The following FBXL7 variants were observed in gnomAD, a reference collection of about 807,000 sequenced individuals.
FBXL7 encodes the protein F-box/LRR-repeat protein 7.
Under a neutral mutation model 38.3 loss-of-function variants are expected in FBXL7, and 12 were observed. The observed-to-expected ratio is 0.31, with a 90% CI of 0.20 to 0.51. The LOEUF is 0.51. Among genes scored for constraint, FBXL7 ranks in the 20% least tolerant of loss-of-function variants. The pLI, the probability that FBXL7 is intolerant of heterozygous loss-of-function variation, is 0.98. For missense variants in FBXL7, 567 were observed against 676.4 expected (o/e 0.84, Z 1.79); for synonymous variants, 297 against 300.9 (o/e 0.99, Z 0.13).
chr5:15,717,571 C>A (rs1398531532), intron 2 of FBXL7, among the ~76,000 whole-genome samples: 7 of 152,106 alleles, frequency 4.6e-5, no homozygotes, highest in African/African-American at 1.7e-4. Flanking sequence ...TAAGAAACTG[C>A]ACAAAAAGTT....
At chr5:15,732,503 A>G (rs1260637531) in intron 2 of FBXL7, among the ~76,000 whole-genome samples, 1 of 151,854 alleles carries the variant, frequency 6.6e-6, no homozygotes, top group Non-Finnish European at 1.5e-5. Context: ...GGAGTTTTAT[A>G]TTTTAGGTAG....
In FBXL7 at chr5:15,577,328, CA is replaced by C. The variant is rs551637585; in HGVS notation, c.38-38654del. Among the ~76,000 whole-genome samples, 82 of 152,186 alleles carry C rather than the reference CA, an allele frequency of 5.4e-4. 2 individuals are homozygous for C. Among genetic ancestry groups the C allele is most frequent in the Middle Eastern group, 3.4e-3 (1 of 294 alleles). On this transcript the variant is annotated intron_variant, in intron 1 of 3. Transcript: ENST00000504595. ...GATTGGCCTCTATTGTCCCCAGGGG[CA>C]GGGGGGCATTTATTTTCTTCCCCAT...
chr5:15,637,894 G>A (rs1037707210), intron 2 of FBXL7, among the ~76,000 whole-genome samples: 1 of 152,132 alleles, frequency 6.6e-6, no homozygotes, highest in Admixed American at 6.6e-5. Context: ...CAACAAGTGT[G>A]GACCAATCAC....
chr5:15,821,560 A>G (rs1483407984), intron 2 of FBXL7, among the ~76,000 whole-genome samples: 2 of 151,146 alleles, frequency 1.3e-5, no homozygotes, highest in African/African-American at 2.4e-5. Flanking sequence ...AAAATCAATA[A>G]TTCAGCAACA....
chr5:15,844,820 A>T (rs1202861504), intron 2 of FBXL7, among the ~76,000 whole-genome samples: 1 of 152,144 alleles, frequency 6.6e-6, no homozygotes, highest in Non-Finnish European at 1.5e-5. Flanking sequence ...AAAAATGACA[A>T]TATTTCTGTA....
At chr5:15,777,017 C>T (rs1339493721) in intron 2 of FBXL7, among the ~76,000 whole-genome samples, 7 of 152,036 alleles carry the variant, frequency 4.6e-5, no homozygotes, top group Non-Finnish European at 1.0e-4. Context: ...TCAATATGCA[C>T]ACATAAGGCA....
At chr5:15,637,621 C>T (rs1384059315) in intron 2 of FBXL7, among the ~76,000 whole-genome samples, 1 of 152,134 alleles carries the variant, frequency 6.6e-6, no homozygotes, top group Non-Finnish European at 1.5e-5. Flanking sequence ...TTGTGCCAGG[C>T]ATGGTTTTAA....
intron 2 of FBXL7, among the ~76,000 whole-genome samples, chr5:15,789,501 C>G (rs1044584067): frequency 6.6e-6 from 1 of 152,192 alleles, no homozygotes; most frequent in African/African-American, 2.4e-5. Flanking sequence ...AAAGCACAGA[C>G]ACAGGGCAGC....
chr5:15,723,926 T>C (rs1347854607), intron 2 of FBXL7, among the ~76,000 whole-genome samples: 1 of 152,230 alleles, frequency 6.6e-6, no homozygotes, highest in Non-Finnish European at 1.5e-5. Context: ...AAGATAACAC[T>C]ATATTACTTG....
At chr5:15,522,867 A>G (rs1455314645) in intron 1 of FBXL7, among the ~76,000 whole-genome samples, 1 of 152,252 alleles carries the variant, frequency 6.6e-6, no homozygotes, top group Non-Finnish European at 1.5e-5. Context: ...ACTCTAAGGT[A>G]TGAAATATGG....
chr5:15,580,099 G>A (rs753773539), intron 1 of FBXL7, among the ~76,000 whole-genome samples: 10 of 152,020 alleles, frequency 6.6e-5, no homozygotes, highest in South Asian at 2.1e-4. Flanking sequence ...GGTAATTAGC[G>A]TTAAAAAAGT....
chr5:15,838,846 T>A (rs1461022574), intron 2 of FBXL7, among the ~76,000 whole-genome samples: 1 of 152,204 alleles, frequency 6.6e-6, no homozygotes, highest in African/African-American at 2.4e-5. Flanking sequence ...CACTGAGAGT[T>A]TGAACTACTT....
At chr5:15,750,636 C>T (rs1012755347) in intron 2 of FBXL7, among the ~76,000 whole-genome samples, 1 of 152,134 alleles carries the variant, frequency 6.6e-6, no homozygotes, top group East Asian at 1.9e-4. Context: ...CTTTGGGCAC[C>T]TGAAGCCTAT....
At chr5:15,690,508 G>A (rs539079935) in intron 2 of FBXL7, among the ~76,000 whole-genome samples, 3 of 152,064 alleles carry the variant, frequency 2.0e-5, no homozygotes, top group East Asian at 1.9e-4. Flanking sequence ...TATATTCATC[G>A]CCTCAAATAT....
intron 1 of FBXL7, among the ~76,000 whole-genome samples, chr5:15,528,785 G>T (rs1441455391): frequency 2.0e-5 from 3 of 151,888 alleles, no homozygotes; most frequent in East Asian, 1.9e-4. Context: ...CTGAAGGCCG[G>T]TTTTTTTAAA....
intron 1 of FBXL7, among the ~76,000 whole-genome samples, chr5:15,512,731 T>A (rs1210620041): frequency 6.6e-6 from 1 of 152,216 alleles, no homozygotes; most frequent in African/African-American, 2.4e-5. Context: ...TGAAGACTCT[T>A]CAGCCTCACC....
At chr5:15,620,750 G>C (rs571748076) in intron 2 of FBXL7, among the ~76,000 whole-genome samples, 2 of 152,310 alleles carry the variant, frequency 1.3e-5, no homozygotes, top group East Asian at 3.9e-4. Context: ...AGCCTGGCAC[G>C]TGGTGCCTGG....
intron 2 of FBXL7, among the ~76,000 whole-genome samples, chr5:15,730,307 C>T (rs1402336335): frequency 6.6e-6 from 1 of 152,030 alleles, no homozygotes; most frequent in East Asian, 1.9e-4. Context: ...TTTTCTTTGG[C>T]TACTAGGAAG....
At chr5:15,816,393 A>G (rs1738015266) in intron 2 of FBXL7, among the ~76,000 whole-genome samples, 1 of 152,194 alleles carries the variant, frequency 6.6e-6, no homozygotes, top group Admixed American at 6.5e-5. Flanking sequence ...TCAGGAATGG[A>G]AAACCAAATA....
Sources: gnomAD v4.1 joint callset for allele counts (sites outside exome capture counted in the v4.1 genomes callset) on GRCh38, gnomAD v4.1.1 for gene constraint, MANE v1.5 for transcripts, NCBI Gene and HGNC (gene_info 2026-07-23, HGNC 2026-07-21) for gene names.